The following RNF20 variants were observed in gnomAD, a reference collection of about 807,000 sequenced individuals.
RNF20 encodes ring finger protein 20.
In RNF20, 84 loss-of-function variants were observed where a neutral mutation model predicts 126.2. That is an observed-to-expected ratio of 0.67 (90% CI 0.56 to 0.80). The LOEUF (loss-of-function observed/expected upper bound fraction) is 0.80, where lower values mean the gene tolerates loss of function less well. Ranked by LOEUF, RNF20 falls within the 30% of genes least tolerant of loss-of-function variation. The probability of loss-of-function intolerance (pLI) is 0.00; values close to 1 mark genes in which losing one functional copy is unlikely to be tolerated. For synonymous variants in RNF20, 400 were observed against 414.3 expected (o/e 0.97, Z 0.42); for missense variants, 869 against 1,188.2 (o/e 0.73, Z 3.95).
In RNF20 at chr9:101,554,057, G is replaced by A. The variant is rs1827490464; in HGVS notation, c.1971G>A (p.Gln657=). The A allele has an allele frequency of 3.1e-6, 5 of 1,613,686 alleles. No individual in the cohort carries two copies. Among genetic ancestry groups the A allele is most frequent in the Non-Finnish European group, 3.4e-6 (4 of 1,179,664 alleles). ...LDMYRSAPKE[Q]RDKVQLMAAE... Reference sequence around the variant, plus strand: ...TGTACCGTTCTGCCCCAAAGGAACAGAGAGACAAAGTTCAGCTGATGGCAG... The same window carrying A: ...TGTACCGTTCTGCCCCAAAGGAACAAAGAGACAAAGTTCAGCTGATGGCAG... The change falls in exon 14 of 20, where the codon CAG becomes CAA. Residue 657 remains glutamine, a synonymous_variant. Coordinates refer to ENST00000389120, the MANE Select transcript of RNF20 (RefSeq NM_019592.7).
intron 5 of RNF20, among the ~76,000 whole-genome samples, chr9:101,542,768 A>G (rs776286275): frequency 2.7e-4 from 41 of 152,376 alleles, no homozygotes; most frequent in Non-Finnish European, 5.6e-4. Context: ...AATGAGTAGT[A>G]TATCAAACGA....
At chr9:101,553,269 G>A (rs577674382) in intron 13 of RNF20, among the ~76,000 whole-genome samples, 6 of 152,170 alleles carry the variant, frequency 3.9e-5, no homozygotes, top group African/African-American at 1.2e-4. Context: ...GAATTTTTCT[G>A]TGTCATAACC....
At chr9:101,555,680 G>A (rs1409597477) in intron 15 of RNF20, among the ~76,000 whole-genome samples, 2 of 151,882 alleles carry the variant, frequency 1.3e-5, no homozygotes, top group South Asian at 2.1e-4. Flanking sequence ...GGCTGGGCGC[G>A]GTGGCTCATG....
In RNF20 at chr9:101,550,764, G is replaced by A; in HGVS notation, c.1251G>A (p.Gln417=). 2 of 1,614,170 alleles carry A rather than the reference G, an allele frequency of 1.2e-6. No homozygotes were observed. Among genetic ancestry groups the A allele is most frequent in the African/African-American group, 1.3e-5 (1 of 75,048 alleles). ...TLLHGTRGTH[Q]HQVELIERDE... is the part of the protein sequence containing the mutation. Reference sequence around the variant, plus strand: ...TTCATGGCACCAGAGGAACCCACCAGCACCAGGTTGAGCTTATTGAGGTAA... The same window carrying A: ...TTCATGGCACCAGAGGAACCCACCAACACCAGGTTGAGCTTATTGAGGTAA... The change falls in exon 10 of 20, where the codon CAG becomes CAA. Residue 417 remains glutamine (Q), a synonymous_variant. Transcript: ENST00000389120.
rs922061215 is a variant in RNF20 at position 101,561,931 on chromosome 9, A to G, written c.2671A>G (p.Arg891Gly). The G allele has an allele frequency of 3.7e-6, 6 of 1,613,136 alleles. No homozygotes were observed. Among genetic ancestry groups the G allele is most frequent in the African/African-American group, 2.7e-5 (2 of 74,884 alleles). ...ACAGGAGGACATCTCTAGACTTCGC[A>G]GGAAGCTGGAGACCACAAAGAAACC... ...RAQEDISRLR[R>G]KLETTKKPDN... The change falls in exon 19 of 20, where the codon AGG (arginine) becomes GGG (glycine). Residue 891 changes from arginine (R) to glycine (G), a missense_variant. By Grantham distance (125) the Arg-to-Gly change is moderately radical. Transcript: ENST00000389120.
At position 101,540,979 on chromosome 9, in the gene RNF20, A is replaced by G. The variant is rs766540553; in HGVS notation, c.628+4A>G. On this transcript the variant is annotated splice_donor_region_variant and intron_variant, in intron 5 of 19. Transcript: ENST00000389120. The stretch of plus-strand genomic sequence containing the variant: ...TCCCGGAAGCTAAACAGTGGAGGTG[A>G]GGCAAGACCCTGGAGGCCGGGAGTA... 6.2e-7 allele frequency: 1 copy of G among 1,612,556 alleles called. No homozygotes were observed. The highest frequency in any genetic ancestry group is 1.3e-5 in the African/African-American group (1 of 74,904).
intron 6 of RNF20, among the ~76,000 whole-genome samples, chr9:101,546,025 G>T (rs991080137): frequency 1.3e-5 from 2 of 152,122 alleles, no homozygotes; most frequent in African/African-American, 4.8e-5. Context: ...AGCATCCCAA[G>T]ATCACCAGGT....
chr9:101,557,574 A>C lies in RNF20; in HGVS notation c.2360A>C (p.Gln787Pro). ...LKEEKEELAD[Q>P]VLTLKTQVDA... ...GAAGAGAAGGAGGAGCTGGCAGACCAGGTGTTGACTCTGAAGACTCAGGTA... is the reference window on the plus strand; with the variant it reads ...GAAGAGAAGGAGGAGCTGGCAGACCCGGTGTTGACTCTGAAGACTCAGGTA... The change falls in exon 16 of 20, where the codon CAG (glutamine) becomes CCG (proline). Residue 787 changes from glutamine to proline, a missense_variant. Physicochemically the swap from Gln to Pro is moderately conservative, Grantham distance 76 (BLOSUM62 -1). This residue lies in a region of RNF20 where 150 missense variants were observed against 173.7 expected (regional missense o/e 0.86). Transcript: ENST00000389120. 6.2e-7 allele frequency: 1 copy of C among 1,613,812 alleles called. No individual in the cohort carries two copies. Among genetic ancestry groups the C allele is most frequent in the Non-Finnish European group, 8.5e-7 (1 of 1,179,740 alleles).
intron 2 of RNF20, 72 bp downstream of exon 2, chr9:101,535,624 A>G: frequency 6.5e-7 from 1 of 1,537,728 alleles, no homozygotes; most frequent in Non-Finnish European, 8.8e-7. Context: ...AAATTCATGG[A>G]AGCTTTCTGG....
At chr9:101,561,620 A>G (rs1032423115) in intron 18 of RNF20, among the ~76,000 whole-genome samples, 1 of 152,194 alleles carries the variant, frequency 6.6e-6, no homozygotes, top group African/African-American at 2.4e-5. Context: ...TCAGCTTAAA[A>G]CTAATTACTA....
intron 5 of RNF20, among the ~76,000 whole-genome samples, chr9:101,542,972 CCT>C (rs997079877): frequency 6.6e-6 from 1 of 152,162 alleles, no homozygotes; most frequent in African/African-American, 2.4e-5. Flanking sequence ...AGTTCATCCC[CCT>C]GACTTAGACT....
At position 101,557,443 on chromosome 9, in the gene RNF20, G is replaced by A; in HGVS notation, c.2229G>A (p.Gln743=). The A allele has an allele frequency of 6.2e-6, 10 of 1,613,984 alleles. No individual in the cohort carries two copies. Among genetic ancestry groups the A allele is most frequent in the Non-Finnish European group, 8.5e-6 (10 of 1,179,942 alleles). ...DVTGQAFEDM[Q]EQNIRLMQQL... ...CAGGCCAGGCCTTTGAAGACATGCA[G>A]GAGCAAAATATCCGTTTGATGCAGC... The change falls in exon 16 of 20, where the codon CAG becomes CAA. Residue 743 remains glutamine (Q), a synonymous_variant. Transcript: ENST00000389120.
intron 5 of RNF20, among the ~76,000 whole-genome samples, chr9:101,543,515 C>T (rs1384439798): frequency 7.1e-6 from 1 of 141,158 alleles, no homozygotes; most frequent in Non-Finnish European, 1.6e-5. Context: ...CCTGCCACTG[C>T]AGTACTGTCC....
At chr9:101,537,526 G>A (rs1343842133) in intron 2 of RNF20, among the ~76,000 whole-genome samples, 1 of 151,954 alleles carries the variant, frequency 6.6e-6, no homozygotes, top group Non-Finnish European at 1.5e-5. Flanking sequence ...GTATATTTGG[G>A]AATCGTCATT....
intron 2 of RNF20, among the ~76,000 whole-genome samples, chr9:101,538,523 G>A (rs1351599369): frequency 6.6e-6 from 1 of 152,068 alleles, no homozygotes; most frequent in Non-Finnish European, 1.5e-5. Flanking sequence ...AAAATAAGGA[G>A]GATATTCATC....
At position 101,544,894 on chromosome 9, in the gene RNF20, C is replaced by T. The variant is rs1433863300; in HGVS notation, c.747+9C>T. ...GCACCATGTCTCAGGAGGTACTTAA[C>T]CAAAAAGGAGAGATGGCTGTGTCTA... is the stretch of plus-strand genomic sequence containing the variant. On this transcript the variant is annotated intron_variant, in intron 6 of 19. Coordinates refer to ENST00000389120, the MANE Select transcript of RNF20 (RefSeq NM_019592.7). The T allele has an allele frequency of 7.1e-6, 11 of 1,541,436 alleles. No individual in the cohort carries two copies. Among genetic ancestry groups the T allele is most frequent in the Non-Finnish European group, 9.0e-6 (10 of 1,114,236 alleles).
chr9:101,552,059 T>A, intron 11 of RNF20, 82 bp from the exon 12 acceptor site: 1 of 1,561,540 alleles, frequency 6.4e-7, no homozygotes, highest in Non-Finnish European at 8.8e-7. Flanking sequence ...TCTCAGTGCC[T>A]CCTGATGTGT....
intron 2 of RNF20, among the ~76,000 whole-genome samples, chr9:101,537,306 G>T (rs534658676): frequency 6.6e-6 from 1 of 152,296 alleles, no homozygotes. Context: ...ATGAAAGATA[G>T]GAGGGAGGAT....
At chr9:101,540,764 G>A in intron 4 of RNF20, 29 bp from the exon 5 acceptor site, 1 of 1,594,106 alleles carries the variant, frequency 6.3e-7, no homozygotes. Flanking sequence ...AATTTTGGGG[G>A]GCTTCTTTTT....
Sources: allele counts gnomAD v4.1 joint callset (sites outside exome capture counted in the v4.1 genomes callset), GRCh38; gene constraint gnomAD v4.1.1; regional missense constraint gnomAD v4.1.1; transcripts MANE v1.5; gene names NCBI Gene and HGNC (gene_info 2026-07-23, HGNC 2026-07-21).